The following ZNF385D variants were observed in gnomAD, a reference collection of about 807,000 sequenced individuals.
ZNF385D encodes the protein zinc finger protein 659.
A neutral mutation model predicts 35.8 loss-of-function variants in ZNF385D; 15 were observed. That is an observed-to-expected ratio of 0.42 (90% CI 0.28 to 0.64). The LOEUF is 0.64. Among genes scored for constraint, ZNF385D ranks in the 30% least tolerant of loss-of-function variants. ZNF385D has a pLI of 0.23. For missense variants in ZNF385D, 474 were observed against 494.6 expected, an observed-to-expected ratio of 0.96 and a Z score of 0.39; for synonymous variants, 212 against 186.8, an observed-to-expected ratio of 1.13 and a Z score of -1.10.
intron 1 of ZNF385D, among the ~76,000 whole-genome samples, chr3:21,700,623 C>T (rs2067646467): frequency 6.6e-6 from 1 of 152,122 alleles, no homozygotes; most frequent in Admixed American, 6.5e-5. Context: ...CTCACTTGGC[C>T]TTTCTGATCC....
At chr3:21,498,578 A>C (rs1055713123) in intron 4 of ZNF385D, among the ~76,000 whole-genome samples, 5 of 78,306 alleles carry the variant, frequency 6.4e-5, no homozygotes, top group African/African-American at 2.6e-4. Context: ...GAAGACATAC[A>C]CATGGCCAAA....
intron 2 of ZNF385D, among the ~76,000 whole-genome samples, chr3:21,642,271 G>A (rs986214898): frequency 2.0e-5 from 3 of 151,992 alleles, no homozygotes; most frequent in Non-Finnish European, 4.4e-5. Context: ...ATTTCTCCAA[G>A]ACCCCTTTCT....
At chr3:22,017,194 C>A (rs1388783888) in intron 3 of ZNF385D, among the ~76,000 whole-genome samples, 1 of 151,950 alleles carries the variant, frequency 6.6e-6, no homozygotes, top group Non-Finnish European at 1.5e-5. Context: ...ACCCATTTCT[C>A]TTCTCTCAAT....
chr3:21,452,366 C>A (rs963732818), intron 4 of ZNF385D, among the ~76,000 whole-genome samples: 7 of 151,964 alleles, frequency 4.6e-5, no homozygotes, highest in Admixed American at 3.3e-4. Context: ...AAGAGCAAGA[C>A]AAGAATGTCC....
At chr3:21,822,927 G>A (rs1167369195) in intron 3 of ZNF385D, among the ~76,000 whole-genome samples, 2 of 151,982 alleles carry the variant, frequency 1.3e-5, no homozygotes, top group African/African-American at 4.8e-5. Context: ...GTATAAAACT[G>A]TAAATTAAAA....
chr3:22,215,094 G>GA (rs1697782425), intron 2 of ZNF385D, among the ~76,000 whole-genome samples: 1 of 151,874 alleles, frequency 6.6e-6, no homozygotes, highest in Non-Finnish European at 1.5e-5. Context: ...AAGGAATATA[G>GA]AAAAAAACCT....
At chr3:22,105,404 AATAC>A (rs1332636716) in intron 3 of ZNF385D, among the ~76,000 whole-genome samples, 4 of 152,056 alleles carry the variant, frequency 2.6e-5, no homozygotes, top group Non-Finnish European at 4.4e-5. Context: ...TACATATATA[AATAC>A]ATATATACAT....
At chr3:22,136,033 G>C (rs902959716) in intron 3 of ZNF385D, among the ~76,000 whole-genome samples, 2 of 152,140 alleles carry the variant, frequency 1.3e-5, no homozygotes, top group African/African-American at 2.4e-5. Context: ...AAAAAGAAGA[G>C]AAAGTCTTGT....
intron 2 of ZNF385D, among the ~76,000 whole-genome samples, chr3:22,325,587 A>T (rs571399348): frequency 2.6e-5 from 4 of 152,168 alleles, no homozygotes; most frequent in African/African-American, 9.6e-5. Context: ...AACATGGTCA[A>T]ACTTCTACTA....
intron 1 of ZNF385D, among the ~76,000 whole-genome samples, chr3:21,714,202 A>G (rs550112901): frequency 9.2e-6 from 1 of 109,156 alleles, no homozygotes; most frequent in African/African-American, 4.4e-5. Context: ...ATTAACAGTA[A>G]GTGGGCCTTC....
At chr3:22,227,452 A>G (rs1367216977) in intron 2 of ZNF385D, among the ~76,000 whole-genome samples, 1 of 152,172 alleles carries the variant, frequency 6.6e-6, no homozygotes, top group Admixed American at 6.5e-5. Flanking sequence ...AAGAATCTGA[A>G]CAGACATGCC....
chr3:21,593,800 G>A (rs550716104), intron 2 of ZNF385D, among the ~76,000 whole-genome samples: 6 of 151,314 alleles, frequency 4.0e-5, no homozygotes, highest in African/African-American at 1.5e-4. Flanking sequence ...AAATAAGCTA[G>A]CCCTAAGAAA....
At chr3:21,462,278 G>A (rs1391135048) in intron 4 of ZNF385D, among the ~76,000 whole-genome samples, 1 of 151,576 alleles carries the variant, frequency 6.6e-6, no homozygotes. Flanking sequence ...CTATATTTTT[G>A]TGAGCCAGAA....
chr3:21,721,697 G>A (rs2068547597), intron 1 of ZNF385D, among the ~76,000 whole-genome samples: 1 of 152,118 alleles, frequency 6.6e-6, no homozygotes, highest in African/African-American at 2.4e-5. Context: ...TGGAAAAGAT[G>A]CATTTATAAA....
intron 3 of ZNF385D, chr3:21,957,039 C>G (rs1214107104): frequency 6.6e-6 from 1 of 152,282 alleles, no homozygotes; most frequent in East Asian, 1.9e-4. Flanking sequence ...CTTTCTCATG[C>G]TATTCTCATG....
At chr3:21,961,801 G>A (rs1559794580) in intron 3 of ZNF385D, among the ~76,000 whole-genome samples, 2 of 152,118 alleles carry the variant, frequency 1.3e-5, no homozygotes. Flanking sequence ...TTTAGTGGGA[G>A]AGTGCACTGG....
chr3:22,153,037 T>A (rs577273426), intron 3 of ZNF385D, among the ~76,000 whole-genome samples: 1 of 152,288 alleles, frequency 6.6e-6, no homozygotes, highest in Admixed American at 6.5e-5. Flanking sequence ...TTACAAACCA[T>A]GGCTTTTATT....
At chr3:21,869,441 G>A (rs531496493) in intron 3 of ZNF385D, among the ~76,000 whole-genome samples, 8 of 152,222 alleles carry the variant, frequency 5.3e-5, no homozygotes, top group African/African-American at 1.9e-4. Flanking sequence ...CTTTCCTAAA[G>A]TGGGAATATA....
chr3:21,592,326 A>G (rs915871342), intron 2 of ZNF385D, among the ~76,000 whole-genome samples: 7 of 152,040 alleles, frequency 4.6e-5, no homozygotes, highest in Non-Finnish European at 7.4e-5. Flanking sequence ...TTCCATCTGT[A>G]TTCCAATCTG....
Sources: gnomAD v4.1 joint callset for allele counts (sites outside exome capture counted in the v4.1 genomes callset) on GRCh38, gnomAD v4.1.1 for gene constraint, MANE v1.5 for transcripts, NCBI Gene and HGNC (gene_info 2026-07-23, HGNC 2026-07-21) for gene names.